SLFN5: variants seen among roughly 807,000 people sequenced by gnomAD.
SLFN5 encodes the protein schlafen family member 5.
A neutral mutation model predicts 48.5 loss-of-function variants in SLFN5; 34 were observed. The ratio of observed to expected loss-of-function variants is 0.70; its 90% CI spans 0.53 to 0.93. The LOEUF (loss-of-function observed/expected upper bound fraction) is 0.93. Ranked by LOEUF, SLFN5 falls within the 40% of genes least tolerant of loss-of-function variation. The pLI, the probability that SLFN5 is intolerant of heterozygous loss-of-function variation, is 0.00. For missense variants in SLFN5, 1,006 were observed against 1,071.3 expected, an observed-to-expected ratio of 0.94 and a Z score of 0.85; for synonymous variants, 387 against 396.2, an observed-to-expected ratio of 0.98 and a Z score of 0.28.
At position 35,259,136 on chromosome 17, in the gene SLFN5, T is replaced by C; in HGVS notation, c.446T>C (p.Val149Ala). The C allele has an allele frequency of 6.2e-7, 1 of 1,614,144 alleles. No individual in the cohort carries two copies. Among genetic ancestry groups the C allele is most frequent in the East Asian group, 2.2e-5 (1 of 44,886 alleles). The change falls in exon 2 of 5, where the codon GTT (valine) becomes GCT (alanine). Residue 149 changes from valine to alanine, a missense_variant. Val to Ala is a moderately conservative substitution (Grantham distance 64). Transcript: ENST00000299977. The stretch of plus-strand genomic sequence containing the variant: ...ACTCAGACTCCAACGAATATTAATG[T>C]TTCCAATTCATTAGGTCCACAGGCA... The part of the protein sequence containing the change: ...CRTQTPTNIN[V>A]SNSLGPQAAQ...
chr17:35,260,304 G>A (rs186622188), intron 2 of SLFN5, among the ~76,000 whole-genome samples: 2 of 152,290 alleles, frequency 1.3e-5, no homozygotes, highest in East Asian at 1.9e-4. Flanking sequence ...ATTAGACAGA[G>A]AAAACCAATA....
intron 1 of SLFN5, among the ~76,000 whole-genome samples, chr17:35,250,904 C>G (rs898290857): frequency 2.6e-5 from 4 of 152,198 alleles, no homozygotes; most frequent in Non-Finnish European, 1.5e-5. Context: ...TAAATATTCT[C>G]TCCTGATAAA....
rs1904818374 is a variant in SLFN5, at chr17:35,271,044, A to C, written c.*5156A>C. On this transcript the variant is annotated 3_prime_UTR_variant, in exon 5 of 5. Coordinates refer to ENST00000299977, the MANE Select transcript of SLFN5 (RefSeq NM_144975.4). ...ATTTGACAATAACTATTTCACTAGC[A>C]AGGGTAGACGTAAGCAGAATACAGG... 6.6e-6 allele frequency: 1 copy of C among 152,208 alleles called. No individual in the cohort carries two copies. The highest frequency in any genetic ancestry group is 1.9e-4 in the East Asian group (1 of 5,196). The allele number at this position is 152,208 out of a possible 1,614,324, so 9.4% of individuals were successfully genotyped here.
At chr17:35,245,990 A>G (rs550000578) in intron 1 of SLFN5, among the ~76,000 whole-genome samples, 2 of 152,318 alleles carry the variant, frequency 1.3e-5, no homozygotes, top group South Asian at 4.1e-4. Flanking sequence ...ATTCCTTCAC[A>G]TCTTCACCAA....
In SLFN5 at chr17:35,266,027, G is replaced by A. The variant is rs955274160; in HGVS notation, c.*139G>A. On this transcript the variant is annotated 3_prime_UTR_variant, in exon 5 of 5. Transcript: ENST00000299977. ...AGGTGCTGGGGATTGAGAACGAATC[G>A]ATGTAAGATTCCTCCTTTAGGGCAG... 3.4e-6 allele frequency: 3 copies of A among 874,260 alleles called. No homozygotes were observed. The highest frequency in any genetic ancestry group is 2.7e-5 in the East Asian group (1 of 37,376). The allele number at this position is 874,260 out of a possible 1,614,324, so 54.2% of individuals were successfully genotyped here. A position where few individuals can be genotyped will look rare whatever the true frequency, so the allele number is the denominator to read the frequency against.
At chr17:35,256,439 A>G (rs1043588253) in intron 1 of SLFN5, among the ~76,000 whole-genome samples, 13 of 152,224 alleles carry the variant, frequency 8.5e-5, no homozygotes, top group African/African-American at 2.9e-4. Context: ...ATTACTGTGT[A>G]TTTCCAATTT....
At chr17:35,244,706 A>G (rs1336642042) in intron 1 of SLFN5, among the ~76,000 whole-genome samples, 1 of 152,074 alleles carries the variant, frequency 6.6e-6, no homozygotes, top group Non-Finnish European at 1.5e-5. Flanking sequence ...CTGGTGGATC[A>G]CGTGAGGTGG....
At chr17:35,256,307 C>T (rs974214927) in intron 1 of SLFN5, among the ~76,000 whole-genome samples, 21 of 151,726 alleles carry the variant, frequency 1.4e-4, no homozygotes, top group African/African-American at 4.8e-4. Flanking sequence ...TACACTGAGC[C>T]GAGATCACAC....
In SLFN5 at chr17:35,268,712, G is replaced by C. The variant is rs546890114; in HGVS notation, c.*2824G>C. The C allele has an allele frequency of 6.6e-6, 1 of 152,328 alleles. No individual in the cohort carries two copies. The highest frequency in any genetic ancestry group is 1.5e-5 in the Non-Finnish European group (1 of 68,124). 9.4% of individuals were successfully genotyped at this position (152,328 alleles called of 1,614,324 possible). On this transcript the variant is annotated 3_prime_UTR_variant, in exon 5 of 5. Transcript: ENST00000299977. ...AGCCTGGGCGACAAAGTGAGACCCT[G>C]TCTCAAAAAACAAACAAAGCCTCCC... is the stretch of plus-strand genomic sequence containing the variant.
At chr17:35,252,240 G>C (rs985404749) in intron 1 of SLFN5, among the ~76,000 whole-genome samples, 1 of 152,046 alleles carries the variant, frequency 6.6e-6, no homozygotes, top group African/African-American at 2.4e-5. Flanking sequence ...GACCAGCCTA[G>C]GCAATCTTGT....
At chr17:35,261,179 A>G in intron 3 of SLFN5, 83 bp downstream of exon 3, 1 of 1,479,608 alleles carries the variant, frequency 6.8e-7, no homozygotes, top group Non-Finnish European at 9.1e-7. Flanking sequence ...TATTATATAC[A>G]GAATCAATTC....
chr17:35,261,395 C>T (rs1261569298), intron 3 of SLFN5, among the ~76,000 whole-genome samples: 5 of 152,146 alleles, frequency 3.3e-5, no homozygotes, highest in African/African-American at 9.7e-5. Context: ...AAAGACTGGG[C>T]ACAGTGGCTC....
At position 35,266,180 on chromosome 17, in the gene SLFN5, G is replaced by GCGCGCA. The variant is rs1555592884; in HGVS notation, c.*297_*298insACGCGC. ...TGTGTGTGTGTGTGTGTGTGTGTGC[G>GCGCGCA]CGCGCGCACGTGCACATGTGTGTAG... On this transcript the variant is annotated 3_prime_UTR_variant, in exon 5 of 5. Coordinates refer to ENST00000299977, the MANE Select transcript of SLFN5 (RefSeq NM_144975.4). The GCGCGCA allele has an allele frequency of 9.0e-4, 242 of 268,616 alleles. 1 individual carries two copies. The highest frequency in any genetic ancestry group is 4.8e-3 in the African/African-American group (214 of 44,940). 16.6% of individuals were successfully genotyped at this position (268,616 alleles called of 1,614,324 possible). A position where few individuals can be genotyped will look rare whatever the true frequency, so the allele number is the denominator to read the frequency against.
Position 35,258,768 on chromosome 17 carries a change from G to C in SLFN5, c.78G>C (p.Gln26His). 6.2e-7 allele frequency: 1 copy of C among 1,614,172 alleles called. No individual in the cohort carries two copies. Among genetic ancestry groups the C allele is most frequent in the Non-Finnish European group, 8.5e-7 (1 of 1,180,040 alleles). Residue 26 changes from glutamine (Q) to histidine (H), a missense_variant, in exon 2 of 5, where the codon CAG (glutamine) becomes CAC (histidine). By Grantham distance (24) the Gln-to-His change is conservative. Transcript: ENST00000299977. Reference protein sequence around the residue: ...VDAGKVTLGTQQRQEMDPRLR... With the variant: ...VDAGKVTLGTHQRQEMDPRLR... Reference sequence around the variant, plus strand: ...CAGGAAAAGTCACCCTTGGGACTCAGCAGAGGCAGGAGATGGACCCTCGCC... The same window carrying C: ...CAGGAAAAGTCACCCTTGGGACTCACCAGAGGCAGGAGATGGACCCTCGCC...
chr17:35,243,692 T>C (rs1397521335), intron 1 of SLFN5, among the ~76,000 whole-genome samples: 1 of 152,222 alleles, frequency 6.6e-6, no homozygotes, highest in Admixed American at 6.5e-5. Context: ...ATACAGTGAC[T>C]AACTAGAGCC....
At position 35,266,050 on chromosome 17, in the gene SLFN5, C is replaced by A; in HGVS notation, c.*162C>A. On this transcript the variant is annotated 3_prime_UTR_variant, in exon 5 of 5. Transcript: ENST00000299977. Reference sequence around the variant, plus strand: ...TCGATGTAAGATTCCTCCTTTAGGGCAGAGACAGACCACTGACAAATACAC... The same window carrying A: ...TCGATGTAAGATTCCTCCTTTAGGGAAGAGACAGACCACTGACAAATACAC... 4 of 708,672 alleles carry A rather than the reference C, an allele frequency of 5.6e-6. No individual in the cohort carries two copies. The allele number at this position is 708,672 out of a possible 1,614,324, so 43.9% of individuals were successfully genotyped here. A position where few individuals can be genotyped will look rare whatever the true frequency, so the allele number is the denominator to read the frequency against.
At position 35,259,699 on chromosome 17, in the gene SLFN5, C is replaced by T. The variant is rs1904466283; in HGVS notation, c.1009C>T (p.Pro337Ser). Reference sequence around the variant, plus strand: ...GACTGCTTGGATGATGGAAGCTGACCCAGGTTAGGGAGCAATATCCACAAT... The same window carrying T: ...GACTGCTTGGATGATGGAAGCTGACTCAGGTTAGGGAGCAATATCCACAAT... The part of the protein sequence containing the change: ...EWTAWMMEAD[P>S]DLSRCPEMVL... The change falls in exon 2 of 5, where the codon CCA becomes TCA. Residue 337 changes from proline (P) to serine (S), a missense_variant. Physicochemically the swap from Pro to Ser is moderately conservative, Grantham distance 74. Transcript: ENST00000299977. 2 of 1,599,198 alleles carry T rather than the reference C, an allele frequency of 1.3e-6. No homozygotes were observed. The highest frequency in any genetic ancestry group is 2.7e-5 in the African/African-American group (2 of 75,016).
rs1290745322 is a variant in SLFN5, at chr17:35,272,824, T to C, written c.*6936T>C. 6.6e-6 allele frequency: 1 copy of C among 152,210 alleles called. No individual in the cohort carries two copies. The highest frequency in any genetic ancestry group is 1.9e-4 in the East Asian group (1 of 5,202). 9.4% of individuals were successfully genotyped at this position (152,210 alleles called of 1,614,324 possible). On this transcript the variant is annotated 3_prime_UTR_variant, in exon 5 of 5. Transcript: ENST00000299977. Reference sequence around the variant, plus strand: ...TATCAATTGACAAAATTACTCAGATTGGTAACAAACTTTAAGGGGGAAAGC... The same window carrying C: ...TATCAATTGACAAAATTACTCAGATCGGTAACAAACTTTAAGGGGGAAAGC...
At chr17:35,244,021 A>G (rs1248625103) in intron 1 of SLFN5, among the ~76,000 whole-genome samples, 1 of 152,206 alleles carries the variant, frequency 6.6e-6, no homozygotes, top group East Asian at 1.9e-4. Context: ...GTCTCAGATT[A>G]CATCTTGAAC....
Sources: allele counts gnomAD v4.1 joint callset (sites outside exome capture counted in the v4.1 genomes callset), GRCh38; gene constraint gnomAD v4.1.1; transcripts MANE v1.5; gene names NCBI Gene and HGNC (gene_info 2026-07-23, HGNC 2026-07-21).